HAAO: variants seen among roughly 807,000 people sequenced by gnomAD.
HAAO encodes the protein 3-hydroxyanthranilate oxygenase.
In HAAO, 49 loss-of-function variants were observed where a neutral mutation model predicts 46.2. That is an observed-to-expected ratio of 1.06 (90% CI 0.84 to 1.34). The LOEUF is 1.34. Among genes scored for constraint, HAAO ranks in the 40% most tolerant of loss-of-function variants. HAAO has a pLI of 0.00. For missense variants in HAAO, 408 were observed against 364.5 expected (o/e 1.12, Z -0.97); for synonymous variants, 157 against 145.2 (o/e 1.08, Z -0.58).
chr2:42,767,797 C>T (rs928361186), intron 8 of HAAO, 63 bp downstream of exon 8: 20 of 1,578,140 alleles, frequency 1.3e-5, no homozygotes, highest in South Asian at 1.0e-4. Context: ...AGCCCAGGGC[C>T]GAGGAGCGGG....
chr2:42,779,385 G>C (rs554733630), intron 4 of HAAO, among the ~76,000 whole-genome samples: 2 of 151,514 alleles, frequency 1.3e-5, no homozygotes, highest in Non-Finnish European at 2.9e-5. Context: ...GCAGTGGTGC[G>C]ATCTTGGCTC....
Position 42,785,347 on chromosome 2 carries a change from C to T in HAAO, c.160-1480G>A, listed in dbSNP as rs1421392567. Among the ~76,000 whole-genome samples, 6 of 152,126 alleles carry T rather than the reference C, an allele frequency of 3.9e-5. No homozygotes were observed. The East Asian group carries it at 1.2e-3, about 29-fold the overall frequency. On this transcript the variant is annotated intron_variant, in intron 2 of 9. Transcript: ENST00000294973. Reference sequence around the variant, plus strand: ...AACATTATGCAGCCATTAAAAACTACGTTTTTGAATAGCTGTTAATAAAAT... The same window carrying T: ...AACATTATGCAGCCATTAAAAACTATGTTTTTGAATAGCTGTTAATAAAAT...
At chr2:42,784,680 C>T (rs1672265982) in intron 2 of HAAO, among the ~76,000 whole-genome samples, 1 of 152,172 alleles carries the variant, frequency 6.6e-6, no homozygotes, top group Non-Finnish European at 1.5e-5. Context: ...TGTTAAAAGC[C>T]CCAGCCAAAT....
intron 6 of HAAO, 99 bp downstream of exon 6, chr2:42,770,044 G>C (rs1670985483): frequency 2.5e-6 from 3 of 1,200,030 alleles, no homozygotes; most frequent in Non-Finnish European, 3.6e-6. Context: ...GGACTGGGCA[G>C]AGTATTCAAA....
At chr2:42,780,119 T>A (rs1671875488) in intron 4 of HAAO, among the ~76,000 whole-genome samples, 2 of 152,180 alleles carry the variant, frequency 1.3e-5, no homozygotes, top group East Asian at 1.9e-4. Context: ...GCCTTAAAAC[T>A]TTTTGTCATT....
chr2:42,770,385 CT>C (rs2104638937), intron 5 of HAAO, 107 bp downstream of exon 5: 6 of 981,432 alleles, frequency 6.1e-6, no homozygotes, highest in Non-Finnish European at 6.1e-6. Flanking sequence ...GCAGTGGGCT[CT>C]CTGGGCCAGG....
intron 4 of HAAO, among the ~76,000 whole-genome samples, chr2:42,776,633 C>CTT (rs1219622958): frequency 8.9e-5 from 12 of 134,134 alleles, no homozygotes; most frequent in South Asian, 2.4e-4. Context: ...GAGTTGTTTC[C>CTT]TTTTTTTTTT....
intron 7 of HAAO, among the ~76,000 whole-genome samples, chr2:42,768,469 A>G (rs1363802456): frequency 2.6e-5 from 4 of 152,198 alleles, no homozygotes; most frequent in Non-Finnish European, 4.4e-5. Flanking sequence ...GGTGGGGTGC[A>G]GGGCTGAGTG....
chr2:42,786,100 G>A (rs950294032), intron 2 of HAAO, among the ~76,000 whole-genome samples: 2 of 149,884 alleles, frequency 1.3e-5, no homozygotes, highest in African/African-American at 4.9e-5. Context: ...AGGGAAGGGA[G>A]GAGGGACAAA....
intron 1 of HAAO, chr2:42,788,922 C>T (rs1301020935): frequency 1.1e-5 from 4 of 369,440 alleles, no homozygotes; most frequent in African/African-American, 8.2e-5. Context: ...GGATCAAGAT[C>T]TCGAATTACA....
intron 7 of HAAO, among the ~76,000 whole-genome samples, chr2:42,768,977 C>T (rs1198204948): frequency 1.3e-5 from 2 of 152,188 alleles, no homozygotes; most frequent in South Asian, 2.1e-4. Flanking sequence ...AGAATGCTCT[C>T]TCCACCTCCC....
intron 2 of HAAO, among the ~76,000 whole-genome samples, chr2:42,784,971 A>G (rs1000158418): frequency 1.3e-5 from 2 of 152,200 alleles, no homozygotes; most frequent in South Asian, 4.1e-4. Context: ...ATTCTACCTC[A>G]GGAATGAGAC....
intron 4 of HAAO, 107 bp from the exon 5 acceptor site, chr2:42,770,689 G>A (rs1438834109): frequency 1.5e-6 from 1 of 652,752 alleles, no homozygotes; most frequent in Non-Finnish European, 2.6e-6. Flanking sequence ...GAGCCCTGCT[G>A]TCTGCTCACC....
chr2:42,767,522 A>T lies in HAAO; in HGVS notation c.783-7T>A. ...TGTTCGCTCCCAGGCATACCTGTGG[A>T]CACACAGATGAGCAGGGATCACACA... On this transcript the variant is annotated splice_polypyrimidine_tract_variant and splice_region_variant and intron_variant, in intron 9 of 9. Coordinates refer to ENST00000294973, the MANE Select transcript of HAAO (RefSeq NM_012205.3). The T allele has an allele frequency of 1.1e-5, 18 of 1,609,466 alleles. No individual in the cohort carries two copies. Among genetic ancestry groups the T allele is most frequent in the Non-Finnish European group, 1.5e-5 (18 of 1,177,320 alleles).
At chr2:42,791,561 C>G (rs1448040428) in intron 1 of HAAO, among the ~76,000 whole-genome samples, 1 of 152,126 alleles carries the variant, frequency 6.6e-6, no homozygotes, top group Non-Finnish European at 1.5e-5. Flanking sequence ...AGTCTGGAGC[C>G]TATCGCACAG....
intron 4 of HAAO, among the ~76,000 whole-genome samples, chr2:42,777,415 T>C (rs933786253): frequency 1.3e-5 from 2 of 151,662 alleles, no homozygotes; most frequent in East Asian, 3.9e-4. Context: ...TTAGCATGCC[T>C]AAGACGTCTA....
At position 42,767,275 on chromosome 2, in the gene HAAO, G is replaced by C; in HGVS notation, c.*162C>G. On this transcript the variant is annotated 3_prime_UTR_variant, in exon 10 of 10. Coordinates refer to ENST00000294973, the MANE Select transcript of HAAO (RefSeq NM_012205.3). ...TGCCCGCCCAGGGGCATGGCATCTG[G>C]GCTGAGAAGGGCAGGAGGGTGGGTG... 1.5e-6 allele frequency: 1 copy of C among 647,158 alleles called. No homozygotes were observed. Among genetic ancestry groups the C allele is most frequent in the South Asian group, 1.7e-5 (1 of 57,340 alleles). 40.1% of individuals were successfully genotyped at this position (647,158 alleles called of 1,614,324 possible). A position where few individuals can be genotyped will look rare whatever the true frequency, so the allele number is the denominator to read the frequency against.
chr2:42,790,299 T>C lies in HAAO; in HGVS notation c.81-1692A>G, dbSNP rs538457001. ...GTTGCAGGGCAGGAGAAGGCTGTCATGAACAGTCCATGCTTAAAGAACTTA... is the reference window on the plus strand; with the variant it reads ...GTTGCAGGGCAGGAGAAGGCTGTCACGAACAGTCCATGCTTAAAGAACTTA... On this transcript the variant is annotated intron_variant, in intron 1 of 9. Coordinates refer to ENST00000294973, the MANE Select transcript of HAAO (RefSeq NM_012205.3). Among the ~76,000 whole-genome samples, 22 of 152,112 alleles carry C rather than the reference T, an allele frequency of 1.4e-4. No homozygotes were observed. In the South Asian group the frequency reaches 3.9e-3, roughly 27 times the overall value.
chr2:42,771,230 A>AATG (rs1020823558), intron 4 of HAAO, among the ~76,000 whole-genome samples: 2 of 151,294 alleles, frequency 1.3e-5, no homozygotes, highest in East Asian at 1.9e-4. Context: ...TAATAATAAT[A>AATG]ATAAATAAAT....
Sources: allele counts gnomAD v4.1 joint callset (sites outside exome capture counted in the v4.1 genomes callset), GRCh38; gene constraint gnomAD v4.1.1; transcripts MANE v1.5; gene names NCBI Gene and HGNC (gene_info 2026-07-23, HGNC 2026-07-21).